The following PHF24 variants were observed in gnomAD, a reference collection of about 807,000 sequenced individuals.
PHF24 encodes the protein Galpha inhibitory interacting protein.
A neutral mutation model predicts 42.6 loss-of-function variants in PHF24; 25 were observed. That is an observed-to-expected ratio of 0.59 (90% CI 0.43 to 0.82). PHF24 has a LOEUF of 0.82. Ranked by LOEUF, PHF24 falls within the 40% of genes least tolerant of loss-of-function variation. PHF24 has a pLI of 0.00. For synonymous variants in PHF24, 185 were observed against 204.8 expected (o/e 0.90, Z 0.83); for missense variants, 470 against 538.1 (o/e 0.87, Z 1.25).
chr9:34,775,323 A>G, the PHF24 span, among the ~76,000 whole-genome samples: 1 of 152,208 alleles, frequency 6.6e-6, no homozygotes, highest in Non-Finnish European at 1.5e-5. Context: ...CACTTATGTA[A>G]GGTACCTAGA....
the PHF24 span, among the ~76,000 whole-genome samples, chr9:34,788,098 T>A: frequency 3.3e-5 from 5 of 152,158 alleles, no homozygotes; most frequent in African/African-American, 1.2e-4. Context: ...AGTGCAGTGG[T>A]GTGATCATGG....
the PHF24 span, among the ~76,000 whole-genome samples, chr9:34,757,910 C>T: frequency 6.6e-6 from 1 of 152,044 alleles, no homozygotes; most frequent in African/African-American, 2.4e-5. Flanking sequence ...GTTAGGAGAA[C>T]ATGTGTGGTT....
At chr9:34,767,657 G>A in the PHF24 span, among the ~76,000 whole-genome samples, 9 of 152,130 alleles carry the variant, frequency 5.9e-5, no homozygotes, top group Non-Finnish European at 1.3e-4. Flanking sequence ...TTGCGCTTCC[G>A]GAGTGAGGCA....
At chr9:34,895,232 C>A in the PHF24 span, 1 of 396,618 alleles carries the variant, frequency 2.5e-6, no homozygotes, top group Non-Finnish European at 4.4e-6. Context: ...TTCTTTTTCA[C>A]CCCAAGAGTT....
chr9:34,978,270 C>T (rs1249461087), exon 8 of PHF24: 3 of 610,930 alleles, frequency 4.9e-6, no homozygotes, highest in African/African-American at 1.8e-5. Context: ...TCACCATTCC[C>T]CTCACAATAG....
At chr9:34,753,743 T>C in the PHF24 span, among the ~76,000 whole-genome samples, 1 of 152,144 alleles carries the variant, frequency 6.6e-6, no homozygotes, top group Non-Finnish European at 1.5e-5. Flanking sequence ...CAAATTGTAC[T>C]ACAGAGGTAC....
the PHF24 span, among the ~76,000 whole-genome samples, chr9:34,785,557 A>C: frequency 1.3e-5 from 2 of 152,182 alleles, no homozygotes; most frequent in Non-Finnish European, 2.9e-5. Context: ...CAAGGCTGTA[A>C]GGGAATAAGT....
chr9:34,681,446 C>G, the PHF24 span: 5 of 23,728 alleles, frequency 2.1e-4, no homozygotes, highest in Admixed American at 6.7e-4. Context: ...TGTGTCCCCC[C>G]CCAAATTCGT....
chr9:34,683,233 G>A, the PHF24 span, among the ~76,000 whole-genome samples: 1 of 152,120 alleles, frequency 6.6e-6, no homozygotes, highest in Non-Finnish European at 1.5e-5. Context: ...GCTAATTTTT[G>A]TATTTTTAGT....
At chr9:34,919,087 A>C in the PHF24 span, among the ~76,000 whole-genome samples, 7 of 152,174 alleles carry the variant, frequency 4.6e-5, no homozygotes, top group Non-Finnish European at 1.0e-4. Flanking sequence ...AATAGTTTTA[A>C]GTTTACAGAA....
the PHF24 span, among the ~76,000 whole-genome samples, chr9:34,750,047 T>C: frequency 4.6e-5 from 7 of 152,226 alleles, no homozygotes; most frequent in Non-Finnish European, 1.0e-4. Flanking sequence ...AGCTGAGGAA[T>C]TTCATCAATA....
chr9:34,711,835 G>A, the PHF24 span, among the ~76,000 whole-genome samples: 30,840 of 152,060 alleles, frequency 0.2, 3,679 homozygotes, highest in African/African-American at 0.32. Context: ...GAGCCACTGC[G>A]CCCAGCCTGC....
chr9:34,666,340 C>A, the PHF24 span, among the ~76,000 whole-genome samples: 2 of 152,108 alleles, frequency 1.3e-5, no homozygotes, highest in African/African-American at 2.4e-5. Context: ...TCTCCTCTAC[C>A]CCTCCCTGGG....
chr9:34,691,041 C>T, the PHF24 span: 1 of 1,492,686 alleles, frequency 6.7e-7, no homozygotes, highest in Admixed American at 1.9e-5. Flanking sequence ...AGACATTACC[C>T]ACTGCCAGCC....
chr9:34,735,642 T>C, the PHF24 span, among the ~76,000 whole-genome samples: 3 of 150,658 alleles, frequency 2.0e-5, no homozygotes, highest in Non-Finnish European at 4.4e-5. Context: ...CTACCAAAAA[T>C]ACAAAAATTA....
At chr9:34,902,538 A>G in the PHF24 span, among the ~76,000 whole-genome samples, 1 of 152,116 alleles carries the variant, frequency 6.6e-6, no homozygotes, top group Non-Finnish European at 1.5e-5. Context: ...AGTCCCAGCT[A>G]CGCAACTCAG....
At chr9:34,712,384 AT>A in the PHF24 span, among the ~76,000 whole-genome samples, 1 of 151,940 alleles carries the variant, frequency 6.6e-6, no homozygotes, top group African/African-American at 2.4e-5. Flanking sequence ...AATTTTTTTA[AT>A]GCCCTGTTCC....
chr9:34,716,081 C>T, the PHF24 span, among the ~76,000 whole-genome samples: 70 of 152,270 alleles, frequency 4.6e-4, no homozygotes, highest in Admixed American at 1.2e-3. Context: ...GGCCTGGGTG[C>T]GTTGCTGCTC....
At chr9:34,770,598 G>A in the PHF24 span, among the ~76,000 whole-genome samples, 1 of 151,962 alleles carries the variant, frequency 6.6e-6, no homozygotes, top group Admixed American at 6.6e-5. Context: ...GTGTGTGAAA[G>A]GTGGGAAAAA....
Sources: allele counts gnomAD v4.1 joint callset (sites outside exome capture counted in the v4.1 genomes callset), GRCh38; gene constraint gnomAD v4.1.1; transcripts MANE v1.5; gene names NCBI Gene and HGNC (gene_info 2026-07-23, HGNC 2026-07-21).